SBF2: variants seen among roughly 807,000 people sequenced by gnomAD.
SBF2 encodes the protein myotubularin-related protein 13.
A neutral mutation model predicts 225.2 loss-of-function variants in SBF2; 112 were observed. That is an observed-to-expected ratio of 0.50 (90% CI 0.43 to 0.58). The LOEUF (loss-of-function observed/expected upper bound fraction) is 0.58. Ranked by LOEUF, SBF2 falls within the 20% of genes least tolerant of loss-of-function variation. The pLI is 0.00. For synonymous variants in SBF2, 763 were observed against 773.3 expected (o/e 0.99, Z 0.22); for missense variants, 1,996 against 2,206.2 (o/e 0.90, Z 1.91).
chr11:9,898,690 T>C (rs894936056), intron 16 of SBF2, among the ~76,000 whole-genome samples: 3 of 152,002 alleles, frequency 2.0e-5, no homozygotes, highest in Admixed American at 2.0e-4. Flanking sequence ...GATTATAAGA[T>C]AAATCTCAGC....
At chr11:10,262,103 A>C (rs1353645559) in intron 1 of SBF2, among the ~76,000 whole-genome samples, 7 of 152,048 alleles carry the variant, frequency 4.6e-5, no homozygotes, top group Non-Finnish European at 1.0e-4. Context: ...CATCAAAAGA[A>C]AAAAAAAGTC....
intron 1 of SBF2, among the ~76,000 whole-genome samples, chr11:10,227,498 A>G (rs1377981649): frequency 2.0e-5 from 3 of 152,106 alleles, no homozygotes; most frequent in Non-Finnish European, 4.4e-5. Flanking sequence ...TAATTTTTGT[A>G]TAAGGTGTAA....
intron 6 of SBF2, among the ~76,000 whole-genome samples, chr11:10,023,231 C>T (rs965557052): frequency 1.3e-5 from 2 of 152,020 alleles, no homozygotes; most frequent in African/African-American, 2.4e-5. Flanking sequence ...ATTATGAATT[C>T]ATGGATCTTA....
intron 16 of SBF2, among the ~76,000 whole-genome samples, chr11:9,916,312 G>A (rs1178590771): frequency 1.3e-5 from 2 of 152,044 alleles, no homozygotes; most frequent in African/African-American, 4.8e-5. Context: ...ATTGTCAATG[G>A]TCAAAATCAA....
At chr11:9,834,083 ATTTATTTTATTTT>A (rs1855588824) in intron 26 of SBF2, among the ~76,000 whole-genome samples, 1 of 146,326 alleles carries the variant, frequency 6.8e-6, no homozygotes, top group African/African-American at 2.6e-5. Flanking sequence ...GTATCTTTTT[ATTTATTTTATTTT>A]TTATTTATTT....
chr11:10,232,265 G>C lies in SBF2; in HGVS notation c.56-38278C>G, dbSNP rs1192965586. ...ACCCCTTGTACTTCCCAGGTGAGGG[G>C]ATGCCTCGTGCTGCTTCAGCTCACG... On this transcript the variant is annotated intron_variant, in intron 1 of 39. Transcript: ENST00000256190. Among the ~76,000 whole-genome samples the C allele has an allele frequency of 3.9e-5, 6 of 152,226 alleles. No homozygotes were observed. The South Asian group carries it at 1.2e-3, about 31-fold the overall frequency.
At chr11:9,967,905 AACTC>A (rs113667814) in intron 14 of SBF2, among the ~76,000 whole-genome samples, 82 of 147,054 alleles carry the variant, frequency 5.6e-4, no homozygotes, top group African/African-American at 2.0e-3. Context: ...ACAAGGGTGA[AACTC>A]AATCTGTCTG....
chr11:9,798,951 C>CAA lies in SBF2; in HGVS notation c.4444-2996_4444-2995dup, dbSNP rs11452749. On this transcript the variant is annotated intron_variant, in intron 32 of 39. Transcript: ENST00000256190. ...TGGGCAACAGAGCAAGACTCCGTCT[C>CAA]AAAAAAAAAAAAAACCAAAAAACAA... Among the ~76,000 whole-genome samples the CAA allele has an allele frequency of 0.032, 4,354 of 135,268 alleles. 352 individuals are homozygous for CAA. The East Asian group carries it at 0.32, about 10-fold the overall frequency. The allele number at this position is 135,268 out of a possible 152,430, so 88.7% of individuals were successfully genotyped here. A position where few individuals can be genotyped will look rare whatever the true frequency, so the allele number is the denominator to read the frequency against.
intron 2 of SBF2, among the ~76,000 whole-genome samples, chr11:10,147,272 T>C (rs994602233): frequency 6.6e-6 from 1 of 152,120 alleles, no homozygotes; most frequent in Non-Finnish European, 1.5e-5. Context: ...TGCACCCATA[T>C]GTTTACTGCA....
intron 2 of SBF2, among the ~76,000 whole-genome samples, chr11:10,148,320 A>G (rs1034523105): frequency 3.9e-5 from 6 of 152,200 alleles, no homozygotes; most frequent in Middle Eastern, 3.4e-3. Context: ...ATTGAAAGGG[A>G]AAAGAAAGCA....
At chr11:9,827,334 C>T (rs971956975) in intron 28 of SBF2, among the ~76,000 whole-genome samples, 2 of 152,048 alleles carry the variant, frequency 1.3e-5, no homozygotes, top group African/African-American at 4.8e-5. Flanking sequence ...TCAAGACCAG[C>T]CTGGGCAACA....
At chr11:10,092,945 A>C (rs569945644) in intron 2 of SBF2, among the ~76,000 whole-genome samples, 1 of 152,122 alleles carries the variant, frequency 6.6e-6, no homozygotes, top group Non-Finnish European at 1.5e-5. Context: ...TTTTAGGAAA[A>C]AAAAAATAGA....
Position 9,812,567 on chromosome 11 carries a change from G to C in SBF2, c.4120C>G (p.Leu1374Val), listed in dbSNP as rs746286799. The C allele has an allele frequency of 3.7e-6, 6 of 1,614,214 alleles. 1 individual carries two copies. The Admixed American group carries it at 1.0e-4, about 27-fold the overall frequency. ...TIPTDSEVTF[L>V]KALGDSEWFP... ...CACTCAGAATCTCCCAGCGCTTTCA[G>C]GAAGGTCACTTCTGAGTCAGTAGGG... Residue 1374 changes from leucine (L) to valine (V), a missense_variant, in exon 30 of 40, where the codon CTG becomes GTG. Physicochemically the swap from Leu to Val is conservative, Grantham distance 32 (BLOSUM62 1). Coordinates refer to ENST00000256190, the MANE Select transcript of SBF2 (RefSeq NM_030962.4).
chr11:10,235,716 T>TTA (rs1416933325), intron 1 of SBF2, among the ~76,000 whole-genome samples: 3 of 152,202 alleles, frequency 2.0e-5, no homozygotes, highest in Admixed American at 6.5e-5. Context: ...AGGACTATCA[T>TTA]TGACAATGTC....
chr11:10,061,488 A>C (rs1283149645), intron 2 of SBF2, among the ~76,000 whole-genome samples: 2 of 152,234 alleles, frequency 1.3e-5, no homozygotes, highest in African/African-American at 4.8e-5. Context: ...CAACTTCAGC[A>C]AAGTTGCAGG....
chr11:10,157,630 C>G (rs996668143), intron 2 of SBF2, among the ~76,000 whole-genome samples: 1 of 152,106 alleles, frequency 6.6e-6, no homozygotes, highest in South Asian at 2.1e-4. Flanking sequence ...AAGCTTAGGG[C>G]TCCCACTGAT....
intron 6 of SBF2, among the ~76,000 whole-genome samples, chr11:10,008,773 G>T (rs547092417): frequency 1.3e-5 from 2 of 152,338 alleles, no homozygotes; most frequent in South Asian, 2.1e-4. Flanking sequence ...GGGGCCTACA[G>T]TCCAGCTGGC....
intron 17 of SBF2, among the ~76,000 whole-genome samples, chr11:9,884,721 G>T (rs1333595494): frequency 1.3e-5 from 2 of 152,148 alleles, no homozygotes; most frequent in Non-Finnish European, 2.9e-5. Context: ...CAAGTCTTAT[G>T]GGAGGCACTG....
chr11:9,966,733 T>C (rs1023647433), intron 14 of SBF2, among the ~76,000 whole-genome samples: 3 of 152,240 alleles, frequency 2.0e-5, no homozygotes. Context: ...AATTTCAAAA[T>C]GGGCAAAGAG....
Sources: gnomAD v4.1 joint callset for allele counts (sites outside exome capture counted in the v4.1 genomes callset) on GRCh38, gnomAD v4.1.1 for gene constraint, MANE v1.5 for transcripts, NCBI Gene and HGNC (gene_info 2026-07-23, HGNC 2026-07-21) for gene names.